The following TENM3 variants were observed in gnomAD, a reference collection of about 807,000 sequenced individuals.
The protein encoded by TENM3 is teneurin transmembrane protein 3, also known as teneurin-3.
In TENM3, 63 loss-of-function variants were observed where a neutral mutation model predicts 255.1. The ratio of observed to expected loss-of-function variants is 0.25; its 90% CI spans 0.20 to 0.30. TENM3 has a LOEUF of 0.30. Among genes scored for constraint, TENM3 ranks in the 10% least tolerant of loss-of-function variants. TENM3 has a pLI of 1.00. For synonymous variants in TENM3, 1,306 were observed against 1,322.3 expected (o/e 0.99, Z 0.27); for missense variants, 2,929 against 3,461.1 (o/e 0.85, Z 3.86).
At chr4:181,660,867 C>T in the TENM3 span, among the ~76,000 whole-genome samples, 2 of 152,130 alleles carry the variant, frequency 1.3e-5, no homozygotes, top group African/African-American at 4.8e-5. Context: ...ATATCAAATA[C>T]TTTCAAAGTC....
chr4:181,513,632 A>G, the TENM3 span, among the ~76,000 whole-genome samples: 1 of 152,234 alleles, frequency 6.6e-6, no homozygotes, highest in Non-Finnish European at 1.5e-5. Flanking sequence ...CTGGCCTAAT[A>G]AAACACGCAA....
chr4:182,236,803 C>A (rs1250813830), intron 1 of TENM3, among the ~76,000 whole-genome samples: 1 of 152,136 alleles, frequency 6.6e-6, no homozygotes, highest in Non-Finnish European at 1.5e-5. Context: ...CTGAGATTTG[C>A]TGTGTATTCT....
At chr4:182,237,740 A>G (rs973720814) in intron 1 of TENM3, among the ~76,000 whole-genome samples, 1 of 152,222 alleles carries the variant, frequency 6.6e-6, no homozygotes, top group African/African-American at 2.4e-5. Context: ...ACATGTTAAC[A>G]TTTCTTCCAT....
At chr4:182,203,647 T>C (rs1354576630) in intron 1 of TENM3, among the ~76,000 whole-genome samples, 2 of 152,126 alleles carry the variant, frequency 1.3e-5, no homozygotes, top group Non-Finnish European at 2.9e-5. Context: ...CCTCCCTCTT[T>C]CCCAACGCCT....
the TENM3 span, among the ~76,000 whole-genome samples, chr4:181,987,962 G>T: frequency 1.3e-5 from 2 of 151,986 alleles, no homozygotes; most frequent in Non-Finnish European, 2.9e-5. Context: ...AGGGGCAAGA[G>T]AGAAATGGAA....
chr4:181,595,386 G>A, the TENM3 span, among the ~76,000 whole-genome samples: 162 of 138,988 alleles, frequency 1.2e-3, no homozygotes, highest in African/African-American at 4.0e-3. Context: ...AGCTGAGGTC[G>A]CGCCACTGCA....
the TENM3 span, among the ~76,000 whole-genome samples, chr4:182,088,647 C>A: frequency 6.6e-6 from 1 of 151,862 alleles, no homozygotes; most frequent in African/African-American, 2.4e-5. Context: ...ATCCCGGCTA[C>A]CATGGTGAAA....
the TENM3 span, among the ~76,000 whole-genome samples, chr4:181,826,754 T>G: frequency 6.6e-6 from 1 of 151,804 alleles, no homozygotes; most frequent in African/African-American, 2.4e-5. Context: ...CCCCCAGAGG[T>G]TTGGATTTAA....
At chr4:181,488,690 C>T in the TENM3 span, among the ~76,000 whole-genome samples, 3 of 151,840 alleles carry the variant, frequency 2.0e-5, no homozygotes, top group Non-Finnish European at 2.9e-5. Context: ...CTCGGTAAGT[C>T]GGCTTGACCA....
the TENM3 span, among the ~76,000 whole-genome samples, chr4:182,137,333 T>A: frequency 7.0e-5 from 7 of 100,520 alleles, no homozygotes; most frequent in South Asian, 2.8e-4. Flanking sequence ...CTCTGCCACC[T>A]CCCCCCCCCC....
the TENM3 span, among the ~76,000 whole-genome samples, chr4:181,789,820 G>A: frequency 6.6e-6 from 1 of 152,106 alleles, no homozygotes; most frequent in African/African-American, 2.4e-5. Flanking sequence ...TGAAAACATG[G>A]AAGTGCTGGG....
At chr4:182,616,059 G>T (rs1211909772) in intron 4 of TENM3, among the ~76,000 whole-genome samples, 1 of 152,334 alleles carries the variant, frequency 6.6e-6, no homozygotes, top group Middle Eastern at 3.4e-3. Context: ...AGCCCGCCAG[G>T]TTACTCTGAT....
chr4:181,801,661 T>C, the TENM3 span, among the ~76,000 whole-genome samples: 5 of 24,498 alleles, frequency 2.0e-4, 1 homozygote, highest in African/African-American at 3.6e-4. Context: ...AATATATATA[T>C]ATATATATAT....
the TENM3 span, among the ~76,000 whole-genome samples, chr4:181,660,841 T>G: frequency 6.6e-6 from 1 of 152,296 alleles, no homozygotes; most frequent in East Asian, 1.9e-4. Context: ...AAGCTAATAT[T>G]CAGTATCTTT....
the TENM3 span, among the ~76,000 whole-genome samples, chr4:181,941,607 T>C: frequency 6.6e-6 from 1 of 152,214 alleles, no homozygotes; most frequent in African/African-American, 2.4e-5. Context: ...CATTTCTTTC[T>C]TAGCCTTACA....
At chr4:181,499,440 C>T in the TENM3 span, among the ~76,000 whole-genome samples, 1 of 152,150 alleles carries the variant, frequency 6.6e-6, no homozygotes, top group Non-Finnish European at 1.5e-5. Context: ...TTAGCAACTC[C>T]TTGATAATTC....
chr4:181,963,823 T>C, the TENM3 span, among the ~76,000 whole-genome samples: 1 of 152,156 alleles, frequency 6.6e-6, no homozygotes, highest in Non-Finnish European at 1.5e-5. Context: ...TTTTAGGTAT[T>C]CACATGGAAT....
the TENM3 span, among the ~76,000 whole-genome samples, chr4:181,927,360 G>T: frequency 6.6e-6 from 1 of 152,202 alleles, no homozygotes; most frequent in East Asian, 1.9e-4. Flanking sequence ...CCATTACTGG[G>T]GCCTGAGTAG....
the TENM3 span, among the ~76,000 whole-genome samples, chr4:182,054,735 T>A: frequency 6.6e-6 from 1 of 152,158 alleles, no homozygotes; most frequent in African/African-American, 2.4e-5. Flanking sequence ...ATGCATTATA[T>A]GTCTGTATCA....
Sources: allele counts gnomAD v4.1 joint callset (sites outside exome capture counted in the v4.1 genomes callset), GRCh38; gene constraint gnomAD v4.1.1; transcripts MANE v1.5; gene names NCBI Gene and HGNC (gene_info 2026-07-23, HGNC 2026-07-21).